The following PTPRN2 variants were observed in gnomAD, a reference collection of about 807,000 sequenced individuals.
PTPRN2 encodes protein tyrosine phosphatase receptor type N2.
PTPRN2 carries 74 observed loss-of-function variants against 118.8 expected under a neutral mutation model. The ratio of observed to expected loss-of-function variants is 0.62; its 90% confidence interval spans 0.52 to 0.76. PTPRN2 has a LOEUF of 0.76. Among genes scored for constraint, PTPRN2 ranks in the 30% least tolerant of loss-of-function variants. The pLI is 0.00. For missense variants in PTPRN2, 1,481 were observed against 1,394.4 expected, an observed-to-expected ratio of 1.06 and a Z score of -0.99; for synonymous variants, 641 against 608.0, an observed-to-expected ratio of 1.05 and a Z score of -0.80.
intron 11 of PTPRN2, among the ~76,000 whole-genome samples, chr7:158,043,534 A>G (rs1315330185): frequency 1.3e-5 from 2 of 152,234 alleles, no homozygotes; most frequent in Non-Finnish European, 2.9e-5. Flanking sequence ...CACCAACAAT[A>G]ATATCTCCCC....
chr7:158,329,936 C>A (rs1000066878), intron 2 of PTPRN2, among the ~76,000 whole-genome samples: 20 of 152,170 alleles, frequency 1.3e-4, no homozygotes, highest in African/African-American at 4.6e-4. Flanking sequence ...TATTCTGCAA[C>A]CAACTCACAA....
At chr7:157,973,827 A>T (rs1036354321) in intron 11 of PTPRN2, among the ~76,000 whole-genome samples, 1 of 152,226 alleles carries the variant, frequency 6.6e-6, no homozygotes, top group African/African-American at 2.4e-5. Context: ...CGCGGCATGG[A>T]AAGCAGTCTC....
rs1457333031 is a variant in PTPRN2 at position 158,517,179 on chromosome 7, G to A, written c.113-27394C>T. Among the ~76,000 whole-genome samples the A allele has an allele frequency of 6.6e-6, 1 of 152,226 alleles. No homozygotes were observed. The highest frequency in any genetic ancestry group is 2.4e-5 in the African/African-American group (1 of 41,464). On this transcript the variant is annotated intron_variant, in intron 1 of 22. Transcript: ENST00000389418. The surrounding 1 kb of genome is among the most constrained non-coding windows in gnomAD (Gnocchi z 5.3). Reference sequence around the variant, plus strand: ...CACAGTGTGGTCCTCACTGAAGACAGGGCGGGTGGCATTGACCCCCATTCC... The same window carrying A: ...CACAGTGTGGTCCTCACTGAAGACAAGGCGGGTGGCATTGACCCCCATTCC...
chr7:157,905,795 G>A (rs1255080772), intron 11 of PTPRN2, among the ~76,000 whole-genome samples: 1 of 152,190 alleles, frequency 6.6e-6, no homozygotes, highest in African/African-American at 2.4e-5. Flanking sequence ...GGAGGGGAGG[G>A]AGAGCACCCA....
chr7:157,888,412 C>T (rs369763662), intron 12 of PTPRN2, among the ~76,000 whole-genome samples: 15 of 152,312 alleles, frequency 9.8e-5, no homozygotes, highest in Admixed American at 3.9e-4. Flanking sequence ...CCACCGCTTT[C>T]GCTCCATTCT....
rs541216126 is a variant in PTPRN2, at chr7:157,541,123, G to A, written c.2977-338C>T. Among the ~76,000 whole-genome samples, 289 of 152,318 alleles carry A rather than the reference G, an allele frequency of 1.9e-3. 3 individuals are homozygous for A. Among genetic ancestry groups the A allele is most frequent in the Non-Finnish European group, 7.2e-4 (49 of 68,028 alleles). On this transcript the variant is annotated intron_variant, in intron 22 of 22. Transcript: ENST00000389418. The stretch of plus-strand genomic sequence containing the variant: ...TTCCTGCGTACTGCCCTGTCCTTCT[G>A]ACCCTACGACTCCACGATTCCTCCT...
At chr7:158,115,354 G>C (rs1162100901) in intron 9 of PTPRN2, among the ~76,000 whole-genome samples, 1 of 152,142 alleles carries the variant, frequency 6.6e-6, no homozygotes, top group African/African-American at 2.4e-5. Flanking sequence ...CATAGACTGC[G>C]ATGTGTCAGC....
chr7:157,948,171 A>G (rs1800597960), intron 11 of PTPRN2, among the ~76,000 whole-genome samples: 1 of 152,274 alleles, frequency 6.6e-6, no homozygotes, highest in Non-Finnish European at 1.5e-5. Context: ...TATAAAACCC[A>G]GTATTGTAGC....
chr7:157,852,435 G>C (rs770886318), intron 12 of PTPRN2, among the ~76,000 whole-genome samples: 1 of 152,214 alleles, frequency 6.6e-6, no homozygotes, highest in African/African-American at 2.4e-5. Flanking sequence ...TCTAAGCCAA[G>C]TCTCCTACCC....
chr7:157,599,300 G>T (rs534494548), intron 16 of PTPRN2, among the ~76,000 whole-genome samples: 6 of 152,320 alleles, frequency 3.9e-5, no homozygotes, highest in East Asian at 1.9e-4. Flanking sequence ...ATAAGCCACT[G>T]CGCCTGGCTT....
chr7:158,027,380 G>A (rs1807358341), intron 11 of PTPRN2: 1 of 152,282 alleles, frequency 6.6e-6, no homozygotes, highest in Non-Finnish European at 1.5e-5. Context: ...CTTGATGCCA[G>A]GAGGGGCAGA....
intron 12 of PTPRN2, among the ~76,000 whole-genome samples, chr7:157,719,311 G>T (rs911942333): frequency 6.6e-6 from 1 of 152,356 alleles, no homozygotes; most frequent in East Asian, 1.9e-4. Context: ...CATTAAAGGG[G>T]GAGCGGAGAT....
intron 12 of PTPRN2, among the ~76,000 whole-genome samples, chr7:157,795,754 G>A (rs1053755964): frequency 2.6e-5 from 4 of 152,328 alleles, no homozygotes; most frequent in African/African-American, 7.2e-5. Context: ...TGGACGAGGC[G>A]GGAGGCGGGA....
At chr7:158,296,515 C>T (rs538605355) in intron 3 of PTPRN2, among the ~76,000 whole-genome samples, 223 of 152,340 alleles carry the variant, frequency 1.5e-3, no homozygotes, top group African/African-American at 5.1e-3. Flanking sequence ...TGCAATAAGG[C>T]AGAGGGTCTA....
intron 11 of PTPRN2, among the ~76,000 whole-genome samples, chr7:157,938,061 A>T (rs558526214): frequency 2.0e-5 from 3 of 152,316 alleles, no homozygotes; most frequent in African/African-American, 7.2e-5. Context: ...TTTTCTGCAC[A>T]ATGTGAACCC....
intron 1 of PTPRN2, among the ~76,000 whole-genome samples, chr7:158,545,568 C>T (rs772040045): frequency 6.6e-6 from 1 of 152,188 alleles, no homozygotes; most frequent in East Asian, 1.9e-4. Flanking sequence ...GCTGTTCACA[C>T]CCCGCTCCGT....
intron 9 of PTPRN2, among the ~76,000 whole-genome samples, chr7:158,129,494 A>ATACAC (rs1563475940): frequency 6.8e-6 from 1 of 146,592 alleles, no homozygotes; most frequent in Non-Finnish European, 1.5e-5. Flanking sequence ...CAGCACACAC[A>ATACAC]CACACCATGC....
At chr7:157,710,529 C>T (rs1359773960) in intron 12 of PTPRN2, among the ~76,000 whole-genome samples, 1 of 134,052 alleles carries the variant, frequency 7.5e-6, no homozygotes, top group Non-Finnish European at 1.6e-5. Context: ...CAGAGAGTGA[C>T]ATGGCTGCGG....
chr7:158,050,831 A>C (rs3935208), intron 11 of PTPRN2, among the ~76,000 whole-genome samples: 84,958 of 152,146 alleles, frequency 0.56, 24,715 homozygotes, highest in African/African-American at 0.67. Context: ...CTCTTTATGC[A>C]AAGAGGCACT....
Sources: allele counts gnomAD v4.1 joint callset (sites outside exome capture counted in the v4.1 genomes callset), GRCh38; gene constraint gnomAD v4.1.1; non-coding constraint Gnocchi (gnomAD v3.1); transcripts MANE v1.5; gene names NCBI Gene and HGNC (gene_info 2026-07-23, HGNC 2026-07-21).